KCNH5: variants seen among roughly 807,000 people sequenced by gnomAD.
KCNH5 encodes voltage-gated delayed rectifier potassium channel KCNH5.
KCNH5 carries 46 observed loss-of-function variants against 96.1 expected under a neutral mutation model. The observed-to-expected ratio is 0.48, with a 90% CI of 0.38 to 0.61. KCNH5 has a LOEUF of 0.61. Among genes scored for constraint, KCNH5 ranks in the 20% least tolerant of loss-of-function variants. The pLI is 0.00. For missense variants in KCNH5, 907 were observed against 1,225.8 expected (o/e 0.74, Z 3.88); for synonymous variants, 439 against 449.8 (o/e 0.98, Z 0.30).
intron 8 of KCNH5, among the ~76,000 whole-genome samples, chr14:62,819,279 T>C (rs941848481): frequency 6.6e-6 from 1 of 152,202 alleles, no homozygotes; most frequent in African/African-American, 2.4e-5. Context: ...GAATATTCTT[T>C]AGATATAAAA....
chr14:62,955,215 T>C (rs1312742690), intron 6 of KCNH5, among the ~76,000 whole-genome samples: 1 of 152,144 alleles, frequency 6.6e-6, no homozygotes, highest in Non-Finnish European at 1.5e-5. Flanking sequence ...GCTCACTCTG[T>C]ATAATCCTAA....
At chr14:62,795,853 C>T (rs950825688) in intron 9 of KCNH5, among the ~76,000 whole-genome samples, 8 of 152,000 alleles carry the variant, frequency 5.3e-5, no homozygotes, top group Admixed American at 5.2e-4. Flanking sequence ...GCATCTAATC[C>T]AGACTAGGGC....
chr14:62,961,839 T>A (rs1254471845), intron 6 of KCNH5, among the ~76,000 whole-genome samples: 2 of 148,208 alleles, frequency 1.3e-5, no homozygotes, highest in African/African-American at 5.0e-5. Flanking sequence ...GAGATGGAGA[T>A]GGAGATGCAG....
chr14:62,848,922 C>A (rs1887751303), intron 8 of KCNH5, among the ~76,000 whole-genome samples: 1 of 152,140 alleles, frequency 6.6e-6, no homozygotes. Context: ...TGTGTACAAG[C>A]TTTATTTTTC....
chr14:62,795,594 T>C (rs1318549820), intron 9 of KCNH5, among the ~76,000 whole-genome samples: 1 of 152,170 alleles, frequency 6.6e-6, no homozygotes, highest in Non-Finnish European at 1.5e-5. Context: ...GAGTAGGGTC[T>C]CTGTGAGGGT....
chr14:62,916,856 A>G (rs1443607492), intron 7 of KCNH5, among the ~76,000 whole-genome samples: 1 of 152,200 alleles, frequency 6.6e-6, no homozygotes, highest in Non-Finnish European at 1.5e-5. Context: ...ATTTATCTCA[A>G]CTGTTAAGGA....
intron 4 of KCNH5, among the ~76,000 whole-genome samples, chr14:62,996,619 T>C (rs1190421343): frequency 6.6e-6 from 1 of 152,212 alleles, no homozygotes; most frequent in African/African-American, 2.4e-5. Flanking sequence ...GAGATGCAGA[T>C]AAATGGAGAA....
intron 6 of KCNH5, among the ~76,000 whole-genome samples, chr14:62,959,781 A>T (rs193022352): frequency 3.2e-4 from 48 of 151,398 alleles, no homozygotes; most frequent in African/African-American, 1.1e-3. Context: ...CATAATTTTA[A>T]CTCCTATCTC....
At chr14:62,860,958 C>T (rs11851939) in intron 7 of KCNH5, among the ~76,000 whole-genome samples, 12,981 of 152,180 alleles carry the variant, frequency 0.085, 1,706 homozygotes, top group African/African-American at 0.28. Flanking sequence ...GAGGGAGGTT[C>T]TACAAGAAAC....
At chr14:62,906,988 T>A (rs1372569574) in intron 7 of KCNH5, among the ~76,000 whole-genome samples, 1 of 152,254 alleles carries the variant, frequency 6.6e-6, no homozygotes, top group African/African-American at 2.4e-5. Context: ...TCCTGAATTC[T>A]TTGTAAAGAT....
chr14:62,739,475 T>C (rs1473743248), intron 10 of KCNH5, among the ~76,000 whole-genome samples: 1 of 152,164 alleles, frequency 6.6e-6, no homozygotes, highest in Admixed American at 6.6e-5. Flanking sequence ...TGTTAGAGTA[T>C]GTAGGCATTT....
At chr14:62,910,941 A>ACACACACACACAGC (rs61033705) in intron 7 of KCNH5, among the ~76,000 whole-genome samples, 1 of 140,784 alleles carries the variant, frequency 7.1e-6, no homozygotes, top group African/African-American at 2.7e-5. Context: ...ACACACACAC[A>ACACACACACACAGC]CCCCTCTGTT....
rs1044666328 is a variant in KCNH5, at chr14:62,980,745, CA to C, written c.942+126del. 3 of 945,206 alleles carry C rather than the reference CA, an allele frequency of 3.2e-6. No homozygotes were observed. In the Admixed American group the frequency reaches 8.8e-5, roughly 28 times the overall value. 58.6% of individuals were successfully genotyped at this position (945,206 alleles called of 1,614,324 possible). The stretch of plus-strand genomic sequence containing the variant: ...GGTAATCAAATATAATAACTTTTGG[CA>C]AGGGTTTCAAGAAAGTTGAAAGTGG... On this transcript the variant is annotated intron_variant, in intron 6 of 10. Coordinates refer to ENST00000322893, the MANE Select transcript of KCNH5 (RefSeq NM_139318.5).
At chr14:62,864,438 G>C (rs915228854) in intron 7 of KCNH5, among the ~76,000 whole-genome samples, 10 of 151,796 alleles carry the variant, frequency 6.6e-5, no homozygotes, top group Non-Finnish European at 1.5e-4. Context: ...TTTCTTGCTG[G>C]GACTGTACAC....
chr14:62,821,124 A>G (rs1887105876), intron 8 of KCNH5, among the ~76,000 whole-genome samples: 1 of 152,160 alleles, frequency 6.6e-6, no homozygotes, highest in African/African-American at 2.4e-5. Context: ...AAGAAAAAAA[A>G]AACCCTTAAA....
intron 6 of KCNH5, among the ~76,000 whole-genome samples, chr14:62,960,728 G>A (rs3850309): frequency 0.023 from 3,478 of 152,232 alleles, 76 homozygotes; most frequent in African/African-American, 0.064. Flanking sequence ...CAGATAACAA[G>A]TTACATTGCT....
chr14:62,862,336 G>A (rs892354105), intron 7 of KCNH5, among the ~76,000 whole-genome samples: 1 of 152,126 alleles, frequency 6.6e-6, no homozygotes, highest in African/African-American at 2.4e-5. Context: ...CTATGGAATA[G>A]CCAGGAGCTT....
chr14:62,921,554 C>A (rs1252054430), intron 7 of KCNH5, among the ~76,000 whole-genome samples: 1 of 152,074 alleles, frequency 6.6e-6, no homozygotes, highest in Non-Finnish European at 1.5e-5. Context: ...TTATGAATCA[C>A]CAGCATTCTG....
At chr14:62,787,974 C>T (rs559334728) in intron 9 of KCNH5, among the ~76,000 whole-genome samples, 17 of 152,302 alleles carry the variant, frequency 1.1e-4, no homozygotes, top group Admixed American at 7.8e-4. Flanking sequence ...ACACAACATC[C>T]ATTCTGCAGC....
Sources: allele counts gnomAD v4.1 joint callset (sites outside exome capture counted in the v4.1 genomes callset), GRCh38; gene constraint gnomAD v4.1.1; transcripts MANE v1.5; gene names NCBI Gene and HGNC (gene_info 2026-07-23, HGNC 2026-07-21).